The following RNF182 variants were observed in gnomAD, a reference collection of about 807,000 sequenced individuals.
RNF182 encodes ring finger protein 182.
RNF182 carries 15 observed loss-of-function variants against 14.4 expected under a neutral mutation model. That is an observed-to-expected ratio of 1.04 (90% CI 0.70 to 1.60). RNF182 has a LOEUF of 1.60. Among genes scored for constraint, RNF182 ranks in the 40% most tolerant of loss-of-function variants. The probability of loss-of-function intolerance (pLI) is 0.00; values close to 1 mark genes in which losing one functional copy is unlikely to be tolerated. For missense variants in RNF182, 268 were observed against 294.8 expected (o/e 0.91, Z 0.67); for synonymous variants, 128 against 122.9 (o/e 1.04, Z -0.27).
intron 1 of RNF182, among the ~76,000 whole-genome samples, chr6:13,953,506 A>C (rs1759647155): frequency 6.6e-6 from 1 of 152,186 alleles, no homozygotes; most frequent in Admixed American, 6.6e-5. Flanking sequence ...AGTCAAAGGC[A>C]TGCAGGGAAC....
At position 13,978,260 on chromosome 6, in the gene RNF182, A is replaced by C. The variant is rs761845879; in HGVS notation, c.*397A>C. 2 of 183,930 alleles carry C rather than the reference A, an allele frequency of 1.1e-5. No homozygotes were observed. The highest frequency in any genetic ancestry group is 3.1e-4 in the East Asian group (2 of 6,358). The allele number at this position is 183,930 out of a possible 1,614,324, so 11.4% of individuals were successfully genotyped here. On this transcript the variant is annotated 3_prime_UTR_variant, in exon 3 of 3. Coordinates refer to ENST00000488300, the MANE Select transcript of RNF182 (RefSeq NM_152737.4). Reference sequence around the variant, plus strand: ...CAAGAGGAAAGTTGCTCTGAGACACAAAGTGTGTACTCCTTTCCCACCCCA... The same window carrying C: ...CAAGAGGAAAGTTGCTCTGAGACACCAAGTGTGTACTCCTTTCCCACCCCA...
intron 2 of RNF182, among the ~76,000 whole-genome samples, chr6:13,975,724 A>G (rs928075647): frequency 6.6e-6 from 1 of 152,208 alleles, no homozygotes; most frequent in African/African-American, 2.4e-5. Context: ...GCAAATTTAA[A>G]TGTCTAGCGC....
Position 13,977,809 on chromosome 6 carries a change from T to G in RNF182, c.690T>G (p.Gly230=), listed in dbSNP as rs766387113. Residue 230 remains glycine, a synonymous_variant, in exon 3 of 3, where the codon GGT becomes GGG. Coordinates refer to ENST00000488300, the MANE Select transcript of RNF182 (RefSeq NM_152737.4). ...GCCTCGTTATTCTTATGGTGTATGG[T>G]TTTTGCCAGTGTGTTTGTCATGAAT... ...PSSLVILMVY[G]FCQCVCHEFL... 1.9e-6 allele frequency: 3 copies of G among 1,614,128 alleles called. No homozygotes were observed. In the East Asian group the frequency reaches 6.7e-5, roughly 36 times the overall value.
chr6:13,940,972 T>C (rs1300142482), intron 1 of RNF182, among the ~76,000 whole-genome samples: 2 of 152,146 alleles, frequency 1.3e-5, no homozygotes, highest in African/African-American at 4.8e-5. Context: ...ACTATTCTTA[T>C]GGCCTGGATA....
chr6:13,948,394 A>T (rs1759490980), intron 1 of RNF182, among the ~76,000 whole-genome samples: 1 of 152,244 alleles, frequency 6.6e-6, no homozygotes, highest in Non-Finnish European at 1.5e-5. Context: ...CAATAATTTA[A>T]GATAACAATT....
chr6:13,940,651 T>C (rs1020259417), intron 1 of RNF182, among the ~76,000 whole-genome samples: 1 of 152,128 alleles, frequency 6.6e-6, no homozygotes, highest in African/African-American at 2.4e-5. Flanking sequence ...GGCTTTAGGT[T>C]TTCTGTTTTT....
intron 1 of RNF182, among the ~76,000 whole-genome samples, chr6:13,966,692 G>T (rs1760036563): frequency 1.3e-5 from 2 of 152,078 alleles, no homozygotes; most frequent in South Asian, 4.2e-4. Context: ...GACCCCGCGG[G>T]GTGGAGGTTA....
At chr6:13,965,370 A>G (rs1759996191) in intron 1 of RNF182, among the ~76,000 whole-genome samples, 1 of 152,212 alleles carries the variant, frequency 6.6e-6, no homozygotes, top group Non-Finnish European at 1.5e-5. Context: ...AAAGCCAGAA[A>G]GAGAAAAAGG....
At chr6:13,933,004 AT>A (rs369624161) in intron 1 of RNF182, among the ~76,000 whole-genome samples, 2 of 152,156 alleles carry the variant, frequency 1.3e-5, no homozygotes, top group Non-Finnish European at 2.9e-5. Context: ...CTGTCCGAGC[AT>A]TTTTTAATTA....
intron 2 of RNF182, among the ~76,000 whole-genome samples, chr6:13,975,454 G>A (rs1760298587): frequency 6.6e-6 from 1 of 152,074 alleles, no homozygotes; most frequent in Non-Finnish European, 1.5e-5. Flanking sequence ...TTGAAATACA[G>A]GCATACATAT....
chr6:13,970,019 C>T (rs943023332), intron 1 of RNF182, among the ~76,000 whole-genome samples: 3 of 152,014 alleles, frequency 2.0e-5, no homozygotes, highest in Non-Finnish European at 4.4e-5. Context: ...TCCATTTTCC[C>T]TCTTTTGTTA....
At chr6:13,963,816 T>C (rs1759942485) in intron 1 of RNF182, among the ~76,000 whole-genome samples, 1 of 152,094 alleles carries the variant, frequency 6.6e-6, no homozygotes, top group Admixed American at 6.5e-5. Context: ...TACTTGTTGA[T>C]CAGATGAAAA....
At chr6:13,957,402 C>G (rs1397373730) in intron 1 of RNF182, among the ~76,000 whole-genome samples, 1 of 152,152 alleles carries the variant, frequency 6.6e-6, no homozygotes, top group Non-Finnish European at 1.5e-5. Flanking sequence ...TCTTGTCAAG[C>G]TTGGATTAAG....
At chr6:13,952,233 T>C (rs1759613727) in intron 1 of RNF182, among the ~76,000 whole-genome samples, 1 of 152,176 alleles carries the variant, frequency 6.6e-6, no homozygotes, top group South Asian at 2.1e-4. Context: ...TCTAGGCAGC[T>C]GCTTGTCAGT....
Position 13,966,908 on chromosome 6 carries a change from C to T in RNF182, c.-366-7302C>T, listed in dbSNP as rs566071474. Among the ~76,000 whole-genome samples, 8 of 152,170 alleles carry T rather than the reference C, an allele frequency of 5.3e-5. No individual in the cohort carries two copies. The East Asian group carries it at 1.5e-3, about 29-fold the overall frequency. The stretch of plus-strand genomic sequence containing the variant: ...CTGGAGTGCAGTGGTGCAATCATAG[C>T]TTACTGCAGCCTCGGCCTCCTGGAC... On this transcript the variant is annotated intron_variant, in intron 1 of 2. Coordinates refer to ENST00000488300, the MANE Select transcript of RNF182 (RefSeq NM_152737.4).
intron 1 of RNF182, among the ~76,000 whole-genome samples, chr6:13,957,888 C>G (rs1479760712): frequency 1.3e-5 from 2 of 152,102 alleles, no homozygotes; most frequent in Non-Finnish European, 2.9e-5. Context: ...GAATTTTATT[C>G]TCTGAATTGT....
At chr6:13,932,657 T>C (rs1448940209) in intron 1 of RNF182, among the ~76,000 whole-genome samples, 1 of 152,200 alleles carries the variant, frequency 6.6e-6, no homozygotes, top group African/African-American at 2.4e-5. Context: ...CAAATACTCC[T>C]AAACATTTCA....
chr6:13,957,220 G>A (rs959046213), intron 1 of RNF182, among the ~76,000 whole-genome samples: 2 of 152,062 alleles, frequency 1.3e-5, no homozygotes, highest in Admixed American at 6.5e-5. Flanking sequence ...AACACTGCAG[G>A]CTTTTACTTT....
intron 1 of RNF182, among the ~76,000 whole-genome samples, chr6:13,961,117 A>G (rs1341937685): frequency 6.6e-6 from 1 of 152,184 alleles, no homozygotes; most frequent in Non-Finnish European, 1.5e-5. Flanking sequence ...TTTCCCTCTC[A>G]GCTTATCAGG....
Sources: gnomAD v4.1 joint callset for allele counts (sites outside exome capture counted in the v4.1 genomes callset) on GRCh38, gnomAD v4.1.1 for gene constraint, MANE v1.5 for transcripts, NCBI Gene and HGNC (gene_info 2026-07-23, HGNC 2026-07-21) for gene names.